EFCAB8: variants seen among roughly 807,000 people sequenced by gnomAD.
EFCAB8 encodes the protein EF-hand calcium binding domain 8.
Under a neutral mutation model 116.3 loss-of-function variants are expected in EFCAB8, and 100 were observed. That is an observed-to-expected ratio of 0.86 (90% CI 0.73 to 1.02). EFCAB8 has a LOEUF of 1.02. Among genes scored for constraint, EFCAB8 ranks in the 50% least tolerant of loss-of-function variants. The pLI, the probability that EFCAB8 is intolerant of heterozygous loss-of-function variation, is 0.00. For missense variants in EFCAB8, 1,320 were observed against 1,416.9 expected (o/e 0.93, Z 1.10); for synonymous variants, 558 against 567.9 (o/e 0.98, Z 0.25).
chr20:32,891,216 TC>T (rs1420706929), intron 7 of EFCAB8, among the ~76,000 whole-genome samples: 2 of 152,100 alleles, frequency 1.3e-5, no homozygotes, highest in African/African-American at 4.8e-5. Context: ...TTCAAGAGAT[TC>T]TCCTGCCTCA....
intron 22 of EFCAB8, among the ~76,000 whole-genome samples, chr20:32,935,133 G>T (rs1324108164): frequency 7.1e-6 from 1 of 141,446 alleles, no homozygotes; most frequent in Non-Finnish European, 1.5e-5. Flanking sequence ...TTTGAGAAAT[G>T]TCTCTTTGGA....
intron 17 of EFCAB8, chr20:32,917,033 A>C: frequency 2.3e-6 from 1 of 425,606 alleles, no homozygotes; most frequent in Non-Finnish European, 4.2e-6. Flanking sequence ...CTTAATCCTT[A>C]CCTAGGTGTC....
intron 17 of EFCAB8, chr20:32,917,095 GC>G: frequency 1.7e-6 from 1 of 573,802 alleles, no homozygotes; most frequent in Non-Finnish European, 3.1e-6. Context: ...TTTATGTAAA[GC>G]CCCTACAACA....
At chr20:32,910,095 G>T (rs1459940922) in intron 15 of EFCAB8, among the ~76,000 whole-genome samples, 164 bp downstream of exon 15, 1 of 152,208 alleles carries the variant, frequency 6.6e-6, no homozygotes, top group South Asian at 2.1e-4. Flanking sequence ...GACACAGAAA[G>T]CAGCTCTACA....
Position 32,961,424 on chromosome 20 carries a change from T to C in EFCAB8, c.3682T>C (p.Leu1228=). ...CTTCCTGACGCCCCAGTTCTCCTTC[T>C]TGCTGCGGCCCCAGTCAGCCTCCAC... ...PTFLTPQFSF[L]LRPQSASTAH... The change falls in exon 27 of 27, where the codon TTG becomes CTG. Residue 1228 remains leucine, a synonymous_variant. Transcript: ENST00000400522. The C allele has an allele frequency of 6.9e-7, 1 of 1,457,350 alleles. No individual in the cohort carries two copies. Among genetic ancestry groups the C allele is most frequent in the Non-Finnish European group, 9.1e-7 (1 of 1,103,088 alleles). The allele number at this position is 1,457,350 out of a possible 1,614,324, so 90.3% of individuals were successfully genotyped here.
At position 32,911,549 on chromosome 20, in the gene EFCAB8, T is replaced by G; in HGVS notation, c.1627T>G (p.Phe543Val). The G allele has an allele frequency of 1.3e-6, 2 of 1,535,060 alleles. No homozygotes were observed. The highest frequency in any genetic ancestry group is 3.4e-4 in the Middle Eastern group (2 of 5,914). Residue 543 changes from phenylalanine (F) to valine (V), a missense_variant, in exon 16 of 27, where the codon TTT becomes GTT. Coordinates refer to ENST00000400522, the MANE Select transcript of EFCAB8 (RefSeq NM_001143967.2). Reference sequence around the variant, plus strand: ...CGTGACGGGCAGGAAGACGATGGAGTTTGCTGTGTCTGGGGGCCAGCACGT... The same window carrying G: ...CGTGACGGGCAGGAAGACGATGGAGGTTGCTGTGTCTGGGGGCCAGCACGT... ...EVVTGRKTMEFAVSGGQHVEM... is the reference protein window; with the variant it reads ...EVVTGRKTMEVAVSGGQHVEM...
chr20:32,907,220 C>T (rs1986720433), intron 13 of EFCAB8: 1 of 672,176 alleles, frequency 1.5e-6, no homozygotes, highest in Non-Finnish European at 1.8e-6. Context: ...CCTGGCAAGT[C>T]CTTCCCTTTT....
rs558312700 is a variant in EFCAB8 at position 32,875,146 on chromosome 20, C to T, written c.209-780C>T. Among the ~76,000 whole-genome samples the T allele has an allele frequency of 1.6e-4, 24 of 152,302 alleles. 1 individual carries two copies. The South Asian group carries it at 3.5e-3, about 22-fold the overall frequency. The stretch of plus-strand genomic sequence containing the variant: ...TTGGTCTTTTTTAGTGCCTCCCCTC[C>T]CCACACTGCTGTGGGACCAACACAG... On this transcript the variant is annotated intron_variant, in intron 3 of 26. Coordinates refer to ENST00000400522, the MANE Select transcript of EFCAB8 (RefSeq NM_001143967.2).
chr20:32,867,639 A>G lies in EFCAB8; in HGVS notation c.100A>G (p.Ile34Val). The stretch of plus-strand genomic sequence containing the variant: ...GGCTGCTAGCTCCCCAACACCATCC[A>G]TCACCCTTAGCCAGGTGCCTGACCT... ...KEAASSPTPS[I>V]TLSQVPDLQP... The change falls in exon 3 of 27, where the codon ATC becomes GTC. Residue 34 changes from isoleucine to valine, a missense_variant. Ile to Val is a conservative substitution (Grantham distance 29). Transcript: ENST00000400522. 6.4e-7 allele frequency: 1 copy of G among 1,551,512 alleles called. No individual in the cohort carries two copies. Among genetic ancestry groups the G allele is most frequent in the Non-Finnish European group, 8.7e-7 (1 of 1,146,956 alleles).
At chr20:32,889,943 G>A (rs753887174) in intron 7 of EFCAB8, among the ~76,000 whole-genome samples, 22 of 147,724 alleles carry the variant, frequency 1.5e-4, no homozygotes, top group Non-Finnish European at 3.0e-4. Flanking sequence ...GGAGGTTGCA[G>A]TAAGCTGAGA....
At chr20:32,891,203 G>A (rs34111982) in intron 7 of EFCAB8, among the ~76,000 whole-genome samples, 45,924 of 151,914 alleles carry the variant, frequency 0.3, 8,824 homozygotes, top group Middle Eastern at 0.46. Context: ...TCTGCCTCCC[G>A]GGTTCAAGAG....
chr20:32,937,928 G>A (rs1988185563), intron 22 of EFCAB8, among the ~76,000 whole-genome samples: 1 of 150,114 alleles, frequency 6.7e-6, no homozygotes, highest in Non-Finnish European at 1.5e-5. Context: ...AAGAATTAAT[G>A]TCAATTGCTC....
At chr20:32,907,311 A>G (rs1003385681) in intron 13 of EFCAB8, among the ~76,000 whole-genome samples, 1 of 152,250 alleles carries the variant, frequency 6.6e-6, no homozygotes, top group Admixed American at 6.5e-5. Context: ...ACAGCAGTGC[A>G]GTGTCTGGCA....
intron 6 of EFCAB8, among the ~76,000 whole-genome samples, chr20:32,886,307 T>C (rs1384386172): frequency 1.3e-5 from 2 of 152,194 alleles, no homozygotes; most frequent in Non-Finnish European, 2.9e-5. Flanking sequence ...TATATTGTCT[T>C]TGTGCTGCCA....
intron 22 of EFCAB8, among the ~76,000 whole-genome samples, chr20:32,940,027 T>TCCCCCCCCCCCCCC (rs1568942531): frequency 7.2e-5 from 2 of 27,864 alleles, no homozygotes; most frequent in African/African-American, 2.0e-4. Flanking sequence ...CTCCCTCCCT[T>TCCCCCCCCCCCCCC]CCTTCCTTCC....
chr20:32,874,412 T>C (rs982950310), intron 3 of EFCAB8, among the ~76,000 whole-genome samples: 1 of 152,098 alleles, frequency 6.6e-6, no homozygotes, highest in African/African-American at 2.4e-5. Flanking sequence ...TTTTTGTAGA[T>C]TGGGTCTCCT....
At chr20:32,918,239 G>A (rs1884409908) in intron 18 of EFCAB8, 123 bp from the exon 19 acceptor site, 1 of 964,606 alleles carries the variant, frequency 1.0e-6, no homozygotes, top group Non-Finnish European at 1.5e-6. Context: ...AGGGGGCTAG[G>A]TTTCTGGGAA....
chr20:32,917,460 C>T lies in EFCAB8; in HGVS notation c.2016C>T (p.Phe672=). The T allele has an allele frequency of 6.4e-7, 1 of 1,551,088 alleles. No individual in the cohort carries two copies. Among genetic ancestry groups the T allele is most frequent in the Non-Finnish European group, 8.7e-7 (1 of 1,146,462 alleles). The change falls in exon 18 of 27, where the codon TTC becomes TTT. Residue 672 remains phenylalanine (F), a synonymous_variant. Coordinates refer to ENST00000400522, the MANE Select transcript of EFCAB8 (RefSeq NM_001143967.2). ...FWNTGTLKPI[F]NFNASRSPSP... is the part of the protein sequence containing the mutation. ...ACACCGGCACACTCAAGCCCATCTTCAACTTCAATGCCTCTAGGAGCCCCT... is the reference window on the plus strand; with the variant it reads ...ACACCGGCACACTCAAGCCCATCTTTAACTTCAATGCCTCTAGGAGCCCCT...
intron 20 of EFCAB8, among the ~76,000 whole-genome samples, chr20:32,926,104 C>T (rs916760045): frequency 2.0e-5 from 3 of 152,184 alleles, no homozygotes; most frequent in African/African-American, 4.8e-5. Flanking sequence ...AAGTCCTGGG[C>T]GCTCATTCAC....
Sources: gnomAD v4.1 joint callset for allele counts (sites outside exome capture counted in the v4.1 genomes callset) on GRCh38, gnomAD v4.1.1 for gene constraint, MANE v1.5 for transcripts, NCBI Gene and HGNC (gene_info 2026-07-23, HGNC 2026-07-21) for gene names.